Variants in PCSK5 observed in about 807,000 individuals in gnomAD.
PCSK5 encodes proprotein convertase subtilisin/kexin type 5, also known as prohormone convertase 5.
A neutral mutation model predicts 233.2 loss-of-function variants in PCSK5; 129 were observed. That is an observed-to-expected ratio of 0.55 (90% CI 0.48 to 0.64). The LOEUF is 0.64. Ranked by LOEUF, PCSK5 falls within the 30% of genes least tolerant of loss-of-function variation. The pLI, the probability that PCSK5 is intolerant of heterozygous loss-of-function variation, is 0.00. For synonymous variants in PCSK5, 825 were observed against 879.2 expected (o/e 0.94, Z 1.09); for missense variants, 2,076 against 2,430.1 (o/e 0.85, Z 3.06).
At position 76,358,910 on chromosome 9, in the gene PCSK5, C is replaced by T. The variant is rs1485048112; in HGVS notation, c.5652C>T (p.Ser1884=). The change falls in exon 38 of 38, where the codon TCC becomes TCT. Residue 1884 remains serine, a synonymous_variant. Coordinates refer to ENST00000674117, the MANE Select transcript of PCSK5 (RefSeq NM_001372043.1). ...DELEYDDESY[S]YYQ ...TGGAATATGATGACGAGAGTTACTC[C>T]TACTACCAGTAAACAGGCACTCCCC... 6.2e-7 allele frequency: 1 copy of T among 1,612,112 alleles called. No homozygotes were observed. The highest frequency in any genetic ancestry group is 8.5e-7 in the Non-Finnish European group (1 of 1,179,306).
chr9:76,351,450 A>AAGAAGAAAGAAAGAG (rs1830125195), intron 36 of PCSK5, among the ~76,000 whole-genome samples: 2 of 11,472 alleles, frequency 1.7e-4, no homozygotes, highest in Non-Finnish European at 3.6e-4. Flanking sequence ...AAAGAAAGGA[A>AAGAAGAAAGAAAGAG]AGAAAGAAAG....
rs1042888452 is a variant in PCSK5 at position 76,174,905 on chromosome 9, T to G, written c.1757-81T>G. The G allele has an allele frequency of 6.0e-6, 8 of 1,323,790 alleles. No individual in the cohort carries two copies. The African/African-American group carries it at 7.4e-5, about 12-fold the overall frequency. The allele number at this position is 1,323,790 out of a possible 1,614,324, so 82.0% of individuals were successfully genotyped here. ...CTCCCACAGTTCTGTTGCTTTTTCT[T>G]GAGTGAGAAGGACTTAAAGATGTTA... On this transcript the variant is annotated intron_variant, in intron 13 of 37. Coordinates refer to ENST00000674117, the MANE Select transcript of PCSK5 (RefSeq NM_001372043.1).
chr9:76,057,589 T>C (rs1829865825), intron 5 of PCSK5, among the ~76,000 whole-genome samples: 1 of 152,210 alleles, frequency 6.6e-6, no homozygotes, highest in Non-Finnish European at 1.5e-5. Context: ...TCATATAATA[T>C]GGTGTAAAGC....
chr9:76,186,918 G>A (rs573578961), intron 17 of PCSK5, among the ~76,000 whole-genome samples: 1 of 152,192 alleles, frequency 6.6e-6, no homozygotes, highest in East Asian at 1.9e-4. Context: ...GCTGCCCTTA[G>A]TCTCCTTGAG....
chr9:76,210,299 T>G (rs1825282658), intron 20 of PCSK5, among the ~76,000 whole-genome samples: 1 of 152,168 alleles, frequency 6.6e-6, no homozygotes, highest in Non-Finnish European at 1.5e-5. Flanking sequence ...AACATAGGCC[T>G]CAGAGTTTCC....
At position 76,332,378 on chromosome 9, in the gene PCSK5, G is replaced by A. The variant is rs377216668; in HGVS notation, c.4571-55G>A. The A allele has an allele frequency of 1.4e-4, 187 of 1,371,790 alleles. 8 individuals are homozygous for A. Among genetic ancestry groups the A allele is most frequent in the East Asian group, 1.0e-3 (45 of 43,246 alleles). The allele number at this position is 1,371,790 out of a possible 1,614,324, so 85.0% of individuals were successfully genotyped here. A position where few individuals can be genotyped will look rare whatever the true frequency, so the allele number is the denominator to read the frequency against. ...CATGGTACACAAGAGGGAAAATACA[G>A]GGGAGACATGTGTCATGCTCGATGT... On this transcript the variant is annotated intron_variant, in intron 33 of 37. Transcript: ENST00000674117.
chr9:76,099,120 AT>A (rs1831654722), intron 8 of PCSK5, among the ~76,000 whole-genome samples: 1 of 151,962 alleles, frequency 6.6e-6, no homozygotes, highest in Non-Finnish European at 1.5e-5. Context: ...TGTTTAATGC[AT>A]TTCTTCTGTT....
intron 2 of PCSK5, among the ~76,000 whole-genome samples, chr9:75,938,970 G>A (rs1054002132): frequency 6.6e-6 from 1 of 152,186 alleles, no homozygotes; most frequent in Non-Finnish European, 1.5e-5. Context: ...AAACACGTGA[G>A]TGAATTGTAG....
chr9:76,124,093 A>C (rs1832748765), intron 9 of PCSK5, among the ~76,000 whole-genome samples: 1 of 152,286 alleles, frequency 6.6e-6, no homozygotes, highest in South Asian at 2.1e-4. Flanking sequence ...GACTTTGATT[A>C]GTGGCGAAGA....
At chr9:75,935,919 A>G (rs1824034530) in intron 2 of PCSK5, among the ~76,000 whole-genome samples, 1 of 152,182 alleles carries the variant, frequency 6.6e-6, no homozygotes, top group Non-Finnish European at 1.5e-5. Flanking sequence ...CGTATCTGCC[A>G]GTTTCTCTAC....
chr9:76,318,671 G>C (rs1261499451), intron 30 of PCSK5, among the ~76,000 whole-genome samples: 1 of 152,044 alleles, frequency 6.6e-6, no homozygotes, highest in Non-Finnish European at 1.5e-5. Context: ...CAAACACGCT[G>C]GTACTCAAAA....
rs1179467847 is a variant in PCSK5, at chr9:76,310,749, C to A, written c.3782C>A (p.Ala1261Asp). Residue 1261 changes from alanine (A) to aspartate (D), a missense_variant, in exon 30 of 38, where the codon GCC (alanine) becomes GAC (aspartate). This residue lies in a region of PCSK5 where 1,510 missense variants were observed against 1,538.1 expected (regional missense o/e 0.98). Coordinates refer to ENST00000674117, the MANE Select transcript of PCSK5 (RefSeq NM_001372043.1). ...GGGAGCTGCGAGAACTGTACGGAGG[C>A]CTGTGCCATCTGCTCTGGAGCCGAT... is the stretch of plus-strand genomic sequence containing the variant. ...RSGSCENCTE[A>D]CAICSGADLC... 2 of 1,612,318 alleles carry A rather than the reference C, an allele frequency of 1.2e-6. No individual in the cohort carries two copies. The highest frequency in any genetic ancestry group is 8.5e-7 in the Non-Finnish European group (1 of 1,179,562).
intron 20 of PCSK5, chr9:76,194,642 G>A (rs770832768): frequency 5.1e-5 from 18 of 353,400 alleles, no homozygotes; most frequent in Middle Eastern, 6.3e-4. Context: ...GGTTTTCTGT[G>A]ACTCTCTAAA....
At chr9:75,979,788 C>T (rs1486068128) in intron 2 of PCSK5, among the ~76,000 whole-genome samples, 2 of 152,216 alleles carry the variant, frequency 1.3e-5, no homozygotes, top group African/African-American at 4.8e-5. Context: ...TCTTGACCAC[C>T]TTACTTGAAA....
rs560621776 is a variant in PCSK5, at chr9:75,909,312, T to G, written c.192+17939T>G. Among the ~76,000 whole-genome samples, 221 of 148,198 alleles carry G rather than the reference T, an allele frequency of 1.5e-3. 1 individual carries two copies. The highest frequency in any genetic ancestry group is 5.4e-3 in the African/African-American group (215 of 40,118). ...CTGCACTCCAGCCTGGGTGACAGAG[T>G]GAGACTCCATCTCAAAAAAAAAAAG... On this transcript the variant is annotated intron_variant, in intron 1 of 37. Transcript: ENST00000674117.
chr9:76,001,796 A>T (rs1246881252), intron 3 of PCSK5, among the ~76,000 whole-genome samples: 2 of 152,176 alleles, frequency 1.3e-5, no homozygotes, highest in Non-Finnish European at 2.9e-5. Flanking sequence ...AACATTTCTA[A>T]TTGTAGAATT....
At chr9:76,170,242 C>G (rs1175431729) in intron 13 of PCSK5, among the ~76,000 whole-genome samples, 4 of 152,200 alleles carry the variant, frequency 2.6e-5, no homozygotes, top group Non-Finnish European at 5.9e-5. Flanking sequence ...CCTAAATTTA[C>G]TTTTCAGTTT....
intron 3 of PCSK5, among the ~76,000 whole-genome samples, chr9:76,019,573 C>T (rs962874940): frequency 3.3e-5 from 5 of 152,202 alleles, no homozygotes; most frequent in African/African-American, 1.2e-4. Flanking sequence ...AGCCCTCCCA[C>T]CCATAAACCC....
At chr9:75,995,275 G>A (rs1826962886) in intron 3 of PCSK5, among the ~76,000 whole-genome samples, 1 of 152,164 alleles carries the variant, frequency 6.6e-6, no homozygotes, top group Non-Finnish European at 1.5e-5. Context: ...CATGGAGGAA[G>A]AAACCATAAA....
Sources: gnomAD v4.1 joint callset for allele counts (sites outside exome capture counted in the v4.1 genomes callset) on GRCh38, gnomAD v4.1.1 for gene constraint, gnomAD v4.1.1 regional missense constraint, MANE v1.5 for transcripts, NCBI Gene and HGNC (gene_info 2026-07-23, HGNC 2026-07-21) for gene names.